Variants in ASAP1 observed in about 807,000 individuals in gnomAD.
The protein encoded by ASAP1 is ArfGAP with SH3 domain, ankyrin repeat and PH domain 1.
A neutral mutation model predicts 145.2 loss-of-function variants in ASAP1; 43 were observed. The observed-to-expected ratio is 0.30, with a 90% CI of 0.23 to 0.38. ASAP1 has a LOEUF of 0.38. ASAP1 is among the 10% of genes least tolerant of loss of function. ASAP1 has a pLI of 1.00. For synonymous variants in ASAP1, 546 were observed against 515.5 expected (o/e 1.06, Z -0.80); for missense variants, 1,018 against 1,355.3 (o/e 0.75, Z 3.91).
chr8:130,218,912 A>C (rs1482878247), intron 4 of ASAP1, among the ~76,000 whole-genome samples: 1 of 152,058 alleles, frequency 6.6e-6, no homozygotes, highest in Admixed American at 6.5e-5. Flanking sequence ...TATGTCTCAC[A>C]TATATATACA....
rs756872257 is a variant in ASAP1, at chr8:130,188,157, G to A, written c.432C>T (p.Ile144=). 23 of 1,613,816 alleles carry A rather than the reference G, an allele frequency of 1.4e-5. No homozygotes were observed. The highest frequency in any genetic ancestry group is 1.6e-4 in the Middle Eastern group (1 of 6,084). The change falls in exon 6 of 30, where the codon ATC becomes ATT. Residue 144 remains isoleucine (I), a synonymous_variant. Transcript: ENST00000518721. ...CTTTTAACAAAGAATCCAAGGTGAA[G>A]ATCACATTGTGGCTCAAACCCTGGA... ...NLLQGLSHNV[I]FTLDSLLKGD... is the part of the protein sequence containing the mutation.
chr8:130,325,139 T>C (rs1824247780), intron 3 of ASAP1, among the ~76,000 whole-genome samples: 1 of 152,188 alleles, frequency 6.6e-6, no homozygotes, highest in Non-Finnish European at 1.5e-5. Flanking sequence ...TAATAATTAA[T>C]GTGTGAGCTT....
chr8:130,181,062 G>A (rs1414367588), intron 7 of ASAP1, among the ~76,000 whole-genome samples, 182 bp from the exon 8 acceptor site: 2 of 151,700 alleles, frequency 1.3e-5, no homozygotes, highest in African/African-American at 4.9e-5. Context: ...GTGCATGTGT[G>A]GGGGGAGGGA....
intron 4 of ASAP1, among the ~76,000 whole-genome samples, chr8:130,216,148 C>T (rs1257443087): frequency 7.2e-5 from 11 of 152,112 alleles, no homozygotes; most frequent in Admixed American, 2.6e-4. Flanking sequence ...TCTTGGATTG[C>T]AAAAGAAAAA....
At chr8:130,157,724 C>T (rs752386341) in intron 12 of ASAP1, among the ~76,000 whole-genome samples, 5 of 152,174 alleles carry the variant, frequency 3.3e-5, no homozygotes, top group Non-Finnish European at 7.3e-5. Context: ...ATGCTCCTGA[C>T]TACTTCCTCT....
intron 20 of ASAP1, 100 bp downstream of exon 20, chr8:130,118,061 A>G: frequency 1.0e-6 from 1 of 974,236 alleles, no homozygotes; most frequent in Non-Finnish European, 1.5e-6. Flanking sequence ...ATGACACAGA[A>G]AAAGCTTGCC....
chr8:130,405,171 G>A (rs992258328), intron 1 of ASAP1, among the ~76,000 whole-genome samples: 1 of 152,166 alleles, frequency 6.6e-6, no homozygotes, highest in Non-Finnish European at 1.5e-5. Flanking sequence ...GACAGCACAA[G>A]TATGATGACC....
chr8:130,112,353 A>G (rs1326608050), intron 23 of ASAP1, 31 bp from the exon 24 acceptor site: 1 of 1,594,960 alleles, frequency 6.3e-7, no homozygotes, highest in East Asian at 2.2e-5. Context: ...GTGAGATAAT[A>G]ATCAAGGACC....
chr8:130,114,272 T>G (rs2097551268), intron 23 of ASAP1, among the ~76,000 whole-genome samples: 1 of 152,196 alleles, frequency 6.6e-6, no homozygotes, highest in Non-Finnish European at 1.5e-5. Flanking sequence ...ACACCTAGGC[T>G]ATATGGTATA....
At chr8:130,215,631 C>G (rs543649753) in intron 4 of ASAP1, among the ~76,000 whole-genome samples, 1 of 152,194 alleles carries the variant, frequency 6.6e-6, no homozygotes, top group East Asian at 1.9e-4. Flanking sequence ...GTAATCCCAG[C>G]TACTCGGGAG....
chr8:130,146,986 G>A (rs1258569293), intron 13 of ASAP1, among the ~76,000 whole-genome samples: 1 of 152,052 alleles, frequency 6.6e-6, no homozygotes, highest in Admixed American at 6.5e-5. Context: ...AGAACTTTGG[G>A]AAGCCGAGGT....
Position 130,118,679 on chromosome 8 carries a change from A to G in ASAP1, c.1608-4T>C. ...GATATATTCTTTTCGTACAGTCCTA[A>G]AACAGAACAAAATAAAGAATTTTTA... On this transcript the variant is annotated splice_region_variant and splice_polypyrimidine_tract_variant and intron_variant, in intron 18 of 29. Transcript: ENST00000518721. The G allele has an allele frequency of 1.4e-6, 2 of 1,462,706 alleles. No individual in the cohort carries two copies. Among genetic ancestry groups the G allele is most frequent in the South Asian group, 3.1e-5 (2 of 64,880 alleles). The allele number at this position is 1,462,706 out of a possible 1,614,324, so 90.6% of individuals were successfully genotyped here.
chr8:130,313,371 T>A (rs1823473230), intron 3 of ASAP1, among the ~76,000 whole-genome samples: 1 of 152,102 alleles, frequency 6.6e-6, no homozygotes, highest in Non-Finnish European at 1.5e-5. Flanking sequence ...TCACTCTCAA[T>A]GAGATCACGT....
chr8:130,276,842 G>A (rs915864527), intron 3 of ASAP1, among the ~76,000 whole-genome samples: 1 of 150,236 alleles, frequency 6.7e-6, no homozygotes, highest in Non-Finnish European at 1.5e-5. Context: ...AGAAATTAAG[G>A]AACAGAAATA....
At chr8:130,389,282 T>C (rs114091904) in intron 2 of ASAP1, among the ~76,000 whole-genome samples, 2,533 of 152,286 alleles carry the variant, frequency 0.017, 38 homozygotes, top group East Asian at 0.052. Flanking sequence ...ACTGCCTTCC[T>C]GCCAGGTCAG....
chr8:130,228,386 A>T (rs1222882597), intron 4 of ASAP1, among the ~76,000 whole-genome samples: 1 of 152,058 alleles, frequency 6.6e-6, no homozygotes, highest in East Asian at 1.9e-4. Context: ...GTGCTCCAAA[A>T]GTATGTGTGT....
intron 2 of ASAP1, among the ~76,000 whole-genome samples, chr8:130,392,799 G>C (rs1565277166): frequency 6.6e-6 from 1 of 152,140 alleles, no homozygotes; most frequent in Non-Finnish European, 1.5e-5. Flanking sequence ...GAGAGAAGGA[G>C]GTGGGGGAGG....
At chr8:130,271,285 T>A (rs901571591) in intron 3 of ASAP1, among the ~76,000 whole-genome samples, 1 of 152,198 alleles carries the variant, frequency 6.6e-6, no homozygotes, top group Non-Finnish European at 1.5e-5. Context: ...GGGCAGTTTA[T>A]CCTATATGTA....
intron 11 of ASAP1, among the ~76,000 whole-genome samples, chr8:130,160,993 GTATT>G (rs1409520355): frequency 2.0e-5 from 3 of 152,292 alleles, no homozygotes; most frequent in Admixed American, 6.5e-5. Context: ...TCAAATGTCT[GTATT>G]TATCAGGTTT....
Sources: allele counts gnomAD v4.1 joint callset (sites outside exome capture counted in the v4.1 genomes callset), GRCh38; gene constraint gnomAD v4.1.1; transcripts MANE v1.5; gene names NCBI Gene and HGNC (gene_info 2026-07-23, HGNC 2026-07-21).